Variants in SIM2 observed in about 807,000 individuals in gnomAD.
The protein encoded by SIM2 is single-minded homolog 2.
In SIM2, 28 loss-of-function variants were observed where a neutral mutation model predicts 64.8. The observed-to-expected ratio is 0.43, with a 90% CI of 0.32 to 0.59. The LOEUF (loss-of-function observed/expected upper bound fraction) is 0.59, where lower values mean the gene tolerates loss of function less well. Among genes scored for constraint, SIM2 ranks in the 20% least tolerant of loss-of-function variants. The pLI is 0.07. For synonymous variants in SIM2, 408 were observed against 391.1 expected (o/e 1.04, Z -0.51); for missense variants, 847 against 871.4 (o/e 0.97, Z 0.35).
intron 6 of SIM2, among the ~76,000 whole-genome samples, chr21:36,730,043 C>T (rs1293408887): frequency 2.0e-5 from 3 of 152,196 alleles, no homozygotes; most frequent in Admixed American, 2.0e-4. Context: ...GTTATCCTGT[C>T]TTCTGGGGGG....
chr21:36,735,780 G>A (rs762013907), intron 7 of SIM2, among the ~76,000 whole-genome samples: 6 of 152,218 alleles, frequency 3.9e-5, no homozygotes, highest in Non-Finnish European at 8.8e-5. Context: ...TGTGGGGAGA[G>A]GCCCTTCCCA....
intron 3 of SIM2, among the ~76,000 whole-genome samples, chr21:36,717,042 C>G (rs1186213452): frequency 6.6e-6 from 1 of 152,170 alleles, no homozygotes; most frequent in Non-Finnish European, 1.5e-5. Context: ...ACTTCCTAGA[C>G]AGCTCTGGAG....
intron 7 of SIM2, among the ~76,000 whole-genome samples, chr21:36,735,257 C>G (rs2089027366): frequency 6.6e-6 from 1 of 152,208 alleles, no homozygotes; most frequent in Non-Finnish European, 1.5e-5. Flanking sequence ...TGGGGGAGAA[C>G]AGGTCAGGCC....
chr21:36,719,171 G>A (rs760944882), intron 3 of SIM2, among the ~76,000 whole-genome samples: 5 of 152,252 alleles, frequency 3.3e-5, no homozygotes, highest in African/African-American at 4.8e-5. Context: ...ACCCCTGGGC[G>A]GGAGCCACAG....
chr21:36,746,640 C>A lies in SIM2; in HGVS notation c.1577-1025C>A, dbSNP rs140714505. On this transcript the variant is annotated intron_variant, in intron 10 of 10. Transcript: ENST00000290399. ...ACCACATTGGTGACCAGGGCCAGGA[C>A]CCCTGCCTTTTGACCTGGCCTGTCC... 3.9e-5 allele frequency among the ~76,000 whole-genome samples: 6 copies of A among 152,306 alleles called. No homozygotes were observed. In the East Asian group the frequency reaches 1.2e-3, roughly 29 times the overall value.
In SIM2 at chr21:36,745,172, C is replaced by T. The variant is rs772245049; in HGVS notation, c.1576+36C>T. ...TCTGCTCGTGGGGAAGGTGGGAGGA[C>T]TGCGCACGGCCGGGAGCCGAAGCAG... is the stretch of plus-strand genomic sequence containing the variant. On this transcript the variant is annotated intron_variant, in intron 10 of 10. Coordinates refer to ENST00000290399, the MANE Select transcript of SIM2 (RefSeq NM_005069.6). This position sits in a 1 kb window ranked among gnomAD's most constrained non-coding sequence, Gnocchi z 4.8. 1 of 1,582,104 alleles carries T rather than the reference C, an allele frequency of 6.3e-7. No individual in the cohort carries two copies. The highest frequency in any genetic ancestry group is 1.2e-5 in the South Asian group (1 of 86,690).
Position 36,731,085 on chromosome 21 carries a change from G to C in SIM2, c.784G>C (p.Glu262Gln). ...GGGGTACGAGCCGCAGGACCTGATC[G>C]AGAAGACCCTATACCATCACGTGCA... ...VTGYEPQDLI[E>Q]KTLYHHVHGC... The change falls in exon 7 of 11, where the codon GAG (glutamate) becomes CAG (glutamine). Residue 262 changes from glutamate to glutamine, a missense_variant. Physicochemically the swap from Glu to Gln is conservative, Grantham distance 29. Around this residue, in one of 3 missense-constraint regions of SIM2, gnomAD observed 397 missense variants for 439.2 expected, o/e 0.90. Transcript: ENST00000290399. 1 of 1,614,102 alleles carries C rather than the reference G, an allele frequency of 6.2e-7. No individual in the cohort carries two copies. The highest frequency in any genetic ancestry group is 1.1e-5 in the South Asian group (1 of 91,080).
rs2088466042 is a variant in SIM2, at chr21:36,699,995, G to C, written c.175+74G>C. The C allele has an allele frequency of 3.4e-6, 5 of 1,466,904 alleles. No homozygotes were observed. The highest frequency in any genetic ancestry group is 4.6e-6 in the Non-Finnish European group (5 of 1,097,410). 90.9% of individuals were successfully genotyped at this position (1,466,904 alleles called of 1,614,324 possible). On this transcript the variant is annotated intron_variant, in intron 1 of 10. Transcript: ENST00000290399. This position sits in a 1 kb window ranked among gnomAD's most constrained non-coding sequence, Gnocchi z 5.6. The stretch of plus-strand genomic sequence containing the variant: ...CGGCCCAGGCGGGAAGCGCAAGCCA[G>C]CCCGCCCAGAGGGGTTGCCGCGGCC...
At chr21:36,732,537 C>T (rs1203279572) in intron 7 of SIM2, among the ~76,000 whole-genome samples, 1 of 152,206 alleles carries the variant, frequency 6.6e-6, no homozygotes, top group South Asian at 2.1e-4. Context: ...CTCTTCCCTC[C>T]CCAAATCTCT....
chr21:36,735,317 T>A lies in SIM2; in HGVS notation c.850+4166T>A, dbSNP rs2089028204. Among the ~76,000 whole-genome samples, 3 of 152,224 alleles carry A rather than the reference T, an allele frequency of 2.0e-5. No individual in the cohort carries two copies. In the South Asian group the frequency reaches 6.2e-4, roughly 32 times the overall value. ...AGGCTGATGTCTTCACAGCCTGTCGTCAGCTTCCTCCCTGCTGGGCCTTCA... is the reference window on the plus strand; with the variant it reads ...AGGCTGATGTCTTCACAGCCTGTCGACAGCTTCCTCCCTGCTGGGCCTTCA... On this transcript the variant is annotated intron_variant, in intron 7 of 10. Coordinates refer to ENST00000290399, the MANE Select transcript of SIM2 (RefSeq NM_005069.6).
intron 2 of SIM2, chr21:36,710,143 G>T (rs2049649228): frequency 1.3e-5 from 2 of 153,202 alleles, no homozygotes; most frequent in African/African-American, 4.8e-5. Flanking sequence ...TTTTTTAGAG[G>T]AGGAAATTGA....
At chr21:36,701,883 C>A (rs1252662728) in intron 1 of SIM2, among the ~76,000 whole-genome samples, 1 of 152,154 alleles carries the variant, frequency 6.6e-6, no homozygotes, top group Non-Finnish European at 1.5e-5. Flanking sequence ...GGAATCCGGA[C>A]GAGAGGGCAC....
intron 4 of SIM2, among the ~76,000 whole-genome samples, chr21:36,721,260 A>G (rs2123453874): frequency 6.6e-6 from 1 of 152,310 alleles, no homozygotes; most frequent in East Asian, 1.9e-4. Flanking sequence ...AGACATCAAC[A>G]TGAATCATGG....
intron 3 of SIM2, among the ~76,000 whole-genome samples, chr21:36,715,193 C>T (rs118160642): frequency 0.018 from 2,768 of 152,242 alleles, 59 homozygotes; most frequent in South Asian, 0.095. Context: ...CCACGGTGAA[C>T]TGTTTAAATA....
chr21:36,745,204 C>T lies in SIM2; in HGVS notation c.1576+68C>T, dbSNP rs2073602. 0.22 allele frequency: 340,045 copies of T among 1,530,528 alleles called. 39,889 individuals carry two copies. The highest frequency in any genetic ancestry group is 0.37 in the African/African-American group (27,203 of 72,818). 94.8% of individuals were successfully genotyped at this position (1,530,528 alleles called of 1,614,324 possible). ...CGGCCGGGAGCCGAAGCAGCCATGG[C>T]GGTGGGTGGCAGATGGAGACAGAAC... is the stretch of plus-strand genomic sequence containing the variant. On this transcript the variant is annotated intron_variant, in intron 10 of 10. Transcript: ENST00000290399. The surrounding 1 kb of genome is among the most constrained non-coding windows in gnomAD (Gnocchi z 4.8).
intron 7 of SIM2, among the ~76,000 whole-genome samples, chr21:36,737,490 C>T (rs940930862): frequency 6.6e-6 from 1 of 152,208 alleles, no homozygotes; most frequent in Non-Finnish European, 1.5e-5. Context: ...ACAGCCTGGT[C>T]CATAGGTGGA....
intron 7 of SIM2, among the ~76,000 whole-genome samples, chr21:36,739,463 A>G (rs1162005995): frequency 1.3e-5 from 2 of 152,228 alleles, no homozygotes; most frequent in African/African-American, 4.8e-5. Flanking sequence ...TTTCTTATTA[A>G]TCATCATTTT....
In SIM2 at chr21:36,730,983, T is replaced by C; in HGVS notation, c.744-62T>C. 4 of 1,191,976 alleles carry C rather than the reference T, an allele frequency of 3.4e-6. No homozygotes were observed. In the Admixed American group the frequency reaches 5.4e-5, roughly 16 times the overall value. The allele number at this position is 1,191,976 out of a possible 1,614,324, so 73.8% of individuals were successfully genotyped here. ...CTTGATTAGTTGGCAAAACCAATAT[T>C]AGTTTAAATGAAAGGCAGTCTGCAG... On this transcript the variant is annotated intron_variant, in intron 6 of 10. Transcript: ENST00000290399.
At chr21:36,730,900 G>A (rs981726855) in intron 6 of SIM2, 145 bp from the exon 7 acceptor site, 10 of 622,262 alleles carry the variant, frequency 1.6e-5, no homozygotes, top group Non-Finnish European at 2.9e-5. Context: ...CTTGCTTCTT[G>A]TAAAAAAGAT....
Sources: gnomAD v4.1 joint callset for allele counts (sites outside exome capture counted in the v4.1 genomes callset) on GRCh38, gnomAD v4.1.1 for gene constraint, gnomAD v4.1.1 regional missense constraint, Gnocchi (gnomAD v3.1) non-coding constraint, MANE v1.5 for transcripts, NCBI Gene and HGNC (gene_info 2026-07-23, HGNC 2026-07-21) for gene names.